ADAD1: variants seen among roughly 807,000 people sequenced by gnomAD.
The protein encoded by ADAD1 is adenosine deaminase domain-containing protein 1.
Under a neutral mutation model 66.8 loss-of-function variants are expected in ADAD1, and 46 were observed. That is an observed-to-expected ratio of 0.69 (90% CI 0.54 to 0.88). The LOEUF is 0.88. Among genes scored for constraint, ADAD1 ranks in the 40% least tolerant of loss-of-function variants. ADAD1 has a pLI of 0.00. For missense variants in ADAD1, 617 were observed against 681.8 expected (o/e 0.91, Z 1.06); for synonymous variants, 248 against 229.4 (o/e 1.08, Z -0.73).
At chr4:122,390,712 T>A (rs2150544298) in intron 5 of ADAD1, among the ~76,000 whole-genome samples, 1 of 152,336 alleles carries the variant, frequency 6.6e-6, no homozygotes, top group South Asian at 2.1e-4. Flanking sequence ...TCAGGTAGTT[T>A]ATGTTCCTCT....
At chr4:122,380,466 C>A (rs1250916917) in intron 3 of ADAD1, 1 of 528,118 alleles carries the variant, frequency 1.9e-6, no homozygotes, top group Non-Finnish European at 3.2e-6. Flanking sequence ...TGTTCAAACC[C>A]CCCCCTTCAA....
chr4:122,427,261 T>G (rs1395005255), intron 12 of ADAD1, among the ~76,000 whole-genome samples: 2 of 152,126 alleles, frequency 1.3e-5, no homozygotes, highest in African/African-American at 4.8e-5. Context: ...GTGTGTGTGT[T>G]CGTGTGTAAA....
At chr4:122,411,465 A>C in intron 9 of ADAD1, 73 bp downstream of exon 9, 1 of 1,388,202 alleles carries the variant, frequency 7.2e-7, no homozygotes. Context: ...TCTACAGCAA[A>C]TAGAACATAT....
rs562918215 is a variant in ADAD1 at position 122,403,416 on chromosome 4, G to C, written c.725-4492G>C. Among the ~76,000 whole-genome samples, 58 of 152,308 alleles carry C rather than the reference G, an allele frequency of 3.8e-4. No individual in the cohort carries two copies. The South Asian group carries it at 6.2e-3, about 16-fold the overall frequency. ...GTGGCAGGGTAGCGAAGTGGACTCT[G>C]TGGGAATCCTTGGTTATAGTTTTGT... On this transcript the variant is annotated intron_variant, in intron 7 of 12. Transcript: ENST00000296513.
At chr4:122,385,178 G>GT (rs1002605510) in intron 5 of ADAD1, among the ~76,000 whole-genome samples, 1 of 151,618 alleles carries the variant, frequency 6.6e-6, no homozygotes, top group Non-Finnish European at 1.5e-5. Context: ...TAAAACTTTA[G>GT]TTTTTTTCAA....
At chr4:122,386,614 C>T (rs376638414) in intron 5 of ADAD1, among the ~76,000 whole-genome samples, 10 of 152,114 alleles carry the variant, frequency 6.6e-5, no homozygotes, top group African/African-American at 2.4e-4. Context: ...TTTGCCCATG[C>T]CTGTGTCCTG....
chr4:122,413,851 CAT>C (rs377322878), intron 10 of ADAD1, among the ~76,000 whole-genome samples: 15,101 of 126,512 alleles, frequency 0.12, 1,357 homozygotes, highest in East Asian at 0.34. Context: ...TATGATAGAT[CAT>C]ATATATATAT....
intron 8 of ADAD1, among the ~76,000 whole-genome samples, chr4:122,410,484 A>G (rs954616850): frequency 1.3e-5 from 2 of 152,200 alleles, no homozygotes; most frequent in Non-Finnish European, 2.9e-5. Context: ...TTTAGAAAAA[A>G]AAATTTGAAT....
At chr4:122,411,470 A>C in intron 9 of ADAD1, 78 bp downstream of exon 9, 4 of 1,376,968 alleles carry the variant, frequency 2.9e-6, no homozygotes, top group Non-Finnish European at 4.0e-6. Flanking sequence ...AGCAAATAGA[A>C]CATATAAATT....
chr4:122,379,066 T>C lies in ADAD1; in HGVS notation c.-132T>C, dbSNP rs996605769. 23 of 152,334 alleles carry C rather than the reference T, an allele frequency of 1.5e-4. No homozygotes were observed. Among genetic ancestry groups the C allele is most frequent in the African/African-American group, 5.6e-4 (23 of 41,438 alleles). The allele number at this position is 152,334 out of a possible 1,614,324, so 9.4% of individuals were successfully genotyped here. ...CCTTCCCCATGGGCACCTTCTCAGA[T>C]TGCGATTGTGGATGAAATGAGGGAT... On this transcript the variant is annotated 5_prime_UTR_variant, in exon 1 of 13. Transcript: ENST00000296513.
At chr4:122,405,572 C>T (rs111448757) in intron 7 of ADAD1, among the ~76,000 whole-genome samples, 53 of 152,250 alleles carry the variant, frequency 3.5e-4, no homozygotes, top group Non-Finnish European at 8.8e-5. Context: ...CCACAGTACC[C>T]TCCTGGTCTA....
intron 7 of ADAD1, among the ~76,000 whole-genome samples, chr4:122,405,965 T>C (rs1796190828): frequency 6.6e-6 from 1 of 152,028 alleles, no homozygotes; most frequent in Non-Finnish European, 1.5e-5. Context: ...TCATGGTTTC[T>C]TTATCTGTTC....
At chr4:122,410,948 T>C (rs1365162549) in intron 8 of ADAD1, among the ~76,000 whole-genome samples, 1 of 152,088 alleles carries the variant, frequency 6.6e-6, no homozygotes, top group East Asian at 1.9e-4. Flanking sequence ...TTGGAGAAGA[T>C]GATAGTTGGG....
chr4:122,380,338 T>A, intron 3 of ADAD1, 97 bp downstream of exon 3: 4 of 1,415,376 alleles, frequency 2.8e-6, no homozygotes, highest in Non-Finnish European at 3.8e-6. Flanking sequence ...GTTTCGTGGT[T>A]GTATAGACAT....
chr4:122,396,500 T>C, intron 7 of ADAD1, 123 bp downstream of exon 7: 1 of 763,304 alleles, frequency 1.3e-6, no homozygotes, highest in Non-Finnish European at 1.9e-6. Context: ...TTCTAGTAAG[T>C]GTGGGTCATT....
chr4:122,411,408 G>T lies in ADAD1; in HGVS notation c.1019+16G>T, dbSNP rs375876455. 3 of 1,594,786 alleles carry T rather than the reference G, an allele frequency of 1.9e-6. No homozygotes were observed. The South Asian group carries it at 3.5e-5, about 19-fold the overall frequency. On this transcript the variant is annotated intron_variant, in intron 9 of 12. Transcript: ENST00000296513. ...AGTCACAGTTGTAAGTATTATAGAA[G>T]TTGTTTTTAAAAGCAAGTAGGATGG...
At chr4:122,388,783 G>A (rs1795303386) in intron 5 of ADAD1, among the ~76,000 whole-genome samples, 1 of 151,970 alleles carries the variant, frequency 6.6e-6, no homozygotes, top group South Asian at 2.1e-4. Flanking sequence ...CTAGCTAGCA[G>A]TCTATTTTGT....
chr4:122,395,568 C>T (rs887764252), intron 6 of ADAD1, among the ~76,000 whole-genome samples: 2 of 151,692 alleles, frequency 1.3e-5, no homozygotes, highest in African/African-American at 2.4e-5. Flanking sequence ...GTAGTCCCAA[C>T]TACTTGGGAG....
chr4:122,413,851 C>CATATAT (rs377322878), intron 10 of ADAD1, among the ~76,000 whole-genome samples: 32,568 of 126,130 alleles, frequency 0.26, 4,787 homozygotes, highest in Middle Eastern at 0.33. Flanking sequence ...TATGATAGAT[C>CATATAT]ATATATATAT....
Sources: allele counts gnomAD v4.1 joint callset (sites outside exome capture counted in the v4.1 genomes callset), GRCh38; gene constraint gnomAD v4.1.1; transcripts MANE v1.5; gene names NCBI Gene and HGNC (gene_info 2026-07-23, HGNC 2026-07-21).